The following NXPE2 variants were observed in gnomAD, a reference collection of about 807,000 sequenced individuals.
NXPE2 encodes the protein neurexophilin and PC-esterase domain family member 2, also known as NXPE family member 2.
Under a neutral mutation model 34.4 loss-of-function variants are expected in NXPE2, and 34 were observed. That is an observed-to-expected ratio of 0.99 (90% CI 0.75 to 1.31). NXPE2 has a LOEUF of 1.31. Among genes scored for constraint, NXPE2 ranks in the 40% most tolerant of loss-of-function variants. The pLI, the probability that NXPE2 is intolerant of heterozygous loss-of-function variation, is 0.00. For synonymous variants in NXPE2, 235 were observed against 231.3 expected (o/e 1.02, Z -0.15); for missense variants, 649 against 672.5 (o/e 0.97, Z 0.39).
the NXPE2 span, among the ~76,000 whole-genome samples, chr11:114,747,957 A>T: frequency 6.6e-6 from 1 of 152,190 alleles, no homozygotes; most frequent in South Asian, 2.1e-4. Context: ...GCCTTTGACC[A>T]ACAGTGCCCC....
the NXPE2 span, among the ~76,000 whole-genome samples, chr11:114,572,539 A>C: frequency 6.6e-6 from 1 of 152,216 alleles, no homozygotes; most frequent in South Asian, 2.1e-4. Context: ...AATTTCTGGA[A>C]ATCAAGGATA....
At chr11:114,475,226 G>GTTTTTTTTTTTTTTTTTTTTTTTTTTTTT in the NXPE2 span, among the ~76,000 whole-genome samples, 2 of 88,070 alleles carry the variant, frequency 2.3e-5, no homozygotes, top group Non-Finnish European at 4.4e-5. Flanking sequence ...AATGTGAACT[G>GTTTTTTTTTTTTTTTTTTTTTTTTTTTTT]TTTTTTTTTT....
the NXPE2 span, among the ~76,000 whole-genome samples, chr11:114,802,519 T>G: frequency 6.6e-6 from 1 of 152,236 alleles, no homozygotes; most frequent in Non-Finnish European, 1.5e-5. Flanking sequence ...TGGCCCAGCC[T>G]GGTTATGTGC....
At chr11:114,788,900 C>T in the NXPE2 span, among the ~76,000 whole-genome samples, 41 of 152,288 alleles carry the variant, frequency 2.7e-4, no homozygotes, top group Middle Eastern at 3.4e-3. Flanking sequence ...TCTATTTTTA[C>T]ACCACTGGTT....
the NXPE2 span, among the ~76,000 whole-genome samples, chr11:114,540,144 A>T: frequency 6.6e-6 from 1 of 152,148 alleles, no homozygotes; most frequent in African/African-American, 2.4e-5. Flanking sequence ...TTTAGTAGAG[A>T]TGGGGTTTCA....
the NXPE2 span, chr11:114,522,289 G>A: frequency 6.2e-7 from 1 of 1,614,082 alleles, no homozygotes; most frequent in Non-Finnish European, 8.5e-7. Flanking sequence ...ATGGTCTAAA[G>A]TGCTGGCCAA....
the NXPE2 span, among the ~76,000 whole-genome samples, chr11:114,744,350 T>G: frequency 1.3e-5 from 2 of 152,216 alleles, no homozygotes; most frequent in African/African-American, 4.8e-5. Context: ...CTGACACCTT[T>G]GAACTTGTAG....
chr11:114,692,864 A>G (rs1010144904), intron 2 of NXPE2, among the ~76,000 whole-genome samples: 1 of 152,014 alleles, frequency 6.6e-6, no homozygotes, highest in Non-Finnish European at 1.5e-5. Flanking sequence ...CTGGAGGACA[A>G]TGGCATGATC....
chr11:114,698,672 T>TA lies in NXPE2; in HGVS notation c.761dup (p.Tyr254Ter). 1 of 1,614,182 alleles carries TA rather than the reference T, an allele frequency of 6.2e-7. No individual in the cohort carries two copies. Among genetic ancestry groups the TA allele is most frequent in the Non-Finnish European group, 8.5e-7 (1 of 1,180,010 alleles). ...YMDDRDQEAFYCVRPQHMPCE... is the reference protein window; with the variant it reads ...YMDDRDQEAF ...GGATGACAGAGACCAAGAAGCCTTCTACTGTGTGAGGCCTCAACATATGCC... is the reference window on the plus strand; with the variant it reads ...GGATGACAGAGACCAAGAAGCCTTCTAACTGTGTGAGGCCTCAACATATGCC... Residue 254 changes from tyrosine to a stop codon, truncating the protein, a stop_gained and frameshift_variant, in exon 3 of 6, where the codon TAC becomes TAAC. Coordinates refer to ENST00000389586, the MANE Select transcript of NXPE2 (RefSeq NM_182495.6). LOFTEE classifies it high-confidence loss of function.
At chr11:114,548,770 AAAAG>A in the NXPE2 span, among the ~76,000 whole-genome samples, 1 of 151,922 alleles carries the variant, frequency 6.6e-6, no homozygotes, top group Non-Finnish European at 1.5e-5. Context: ...AGAGTAAATC[AAAAG>A]AAAGAAAAAG....
chr11:114,712,550 T>C, the NXPE2 span, among the ~76,000 whole-genome samples: 1 of 152,106 alleles, frequency 6.6e-6, no homozygotes, highest in Admixed American at 6.5e-5. Context: ...GAACTGCAAA[T>C]CAAAATTACA....
chr11:114,617,893 A>G, the NXPE2 span, among the ~76,000 whole-genome samples: 1 of 152,228 alleles, frequency 6.6e-6, no homozygotes. Flanking sequence ...CCTGGCGGAT[A>G]ATAAGTATTG....
the NXPE2 span, chr11:114,595,757 C>G: frequency 6.6e-6 from 1 of 152,314 alleles, no homozygotes; most frequent in African/African-American, 2.4e-5. Flanking sequence ...GGATTCACAA[C>G]CTTCTGCTTG....
chr11:114,478,078 C>G, the NXPE2 span, among the ~76,000 whole-genome samples: 1 of 151,822 alleles, frequency 6.6e-6, no homozygotes, highest in Non-Finnish European at 1.5e-5. Context: ...CCCTCCCCCA[C>G]CCCAAGTACG....
At chr11:114,646,764 C>A in the NXPE2 span, among the ~76,000 whole-genome samples, 1 of 152,032 alleles carries the variant, frequency 6.6e-6, no homozygotes, top group Non-Finnish European at 1.5e-5. Context: ...TGTCTTTTCT[C>A]ATTAAAGAGT....
chr11:114,628,493 C>T, the NXPE2 span, among the ~76,000 whole-genome samples: 1 of 151,820 alleles, frequency 6.6e-6, no homozygotes, highest in South Asian at 2.1e-4. Context: ...ACACAACGTA[C>T]CAGAATCTCT....
chr11:114,525,281 T>C, the NXPE2 span, among the ~76,000 whole-genome samples: 2 of 151,910 alleles, frequency 1.3e-5, no homozygotes, highest in African/African-American at 4.8e-5. Context: ...AGAAATAGAT[T>C]CCATTATATT....
chr11:114,698,279 T>C lies in NXPE2; in HGVS notation c.367T>C (p.Tyr123His). 1 of 1,613,490 alleles carries C rather than the reference T, an allele frequency of 6.2e-7. No individual in the cohort carries two copies. Among genetic ancestry groups the C allele is most frequent in the South Asian group, 1.1e-5 (1 of 90,984 alleles). The change falls in exon 3 of 6, where the codon TAC becomes CAC. Residue 123 changes from tyrosine (Y) to histidine (H), a missense_variant. Coordinates refer to ENST00000389586, the MANE Select transcript of NXPE2 (RefSeq NM_182495.6). The part of the protein sequence containing the change: ...TATILNPQDT[Y>H]CRGDQLDILL... ...CACCATCCTCAACCCTCAAGATACG[T>C]ACTGCAGGGGGGATCAGCTGGACAT...
At chr11:114,626,928 GATGAAATGA>G in the NXPE2 span, among the ~76,000 whole-genome samples, 1 of 151,986 alleles carries the variant, frequency 6.6e-6, no homozygotes, top group South Asian at 2.1e-4. Flanking sequence ...AGTGATGGAA[GATGAAATGA>G]ATGAAATGAA....
Sources: allele counts gnomAD v4.1 joint callset (sites outside exome capture counted in the v4.1 genomes callset), GRCh38; gene constraint gnomAD v4.1.1; transcripts MANE v1.5; gene names NCBI Gene and HGNC (gene_info 2026-07-23, HGNC 2026-07-21).